The following CTNND1 variants were observed in gnomAD, a reference collection of about 807,000 sequenced individuals.
CTNND1 encodes the protein catenin delta 1.
A neutral mutation model predicts 112.1 loss-of-function variants in CTNND1; 16 were observed. The observed-to-expected ratio is 0.14, with a 90% CI of 0.10 to 0.22. CTNND1 has a LOEUF of 0.22. Ranked by LOEUF, CTNND1 falls within the 10% of genes least tolerant of loss-of-function variation. The pLI is 1.00. For synonymous variants in CTNND1, 420 were observed against 446.5 expected (o/e 0.94, Z 0.75); for missense variants, 1,008 against 1,257.0 (o/e 0.80, Z 3.00).
chr11:57,764,395 C>A (rs1375633584), intron 1 of CTNND1, among the ~76,000 whole-genome samples: 1 of 152,086 alleles, frequency 6.6e-6, no homozygotes, highest in Admixed American at 6.6e-5. Flanking sequence ...TAATTACAAT[C>A]CAGCCTTAGG....
intron 1 of CTNND1, among the ~76,000 whole-genome samples, chr11:57,778,253 T>A (rs1294104717): frequency 1.3e-5 from 2 of 152,102 alleles, no homozygotes; most frequent in Non-Finnish European, 2.9e-5. Flanking sequence ...TAATCAACTC[T>A]ATGCTTGTAG....
In CTNND1 at chr11:57,805,983, C is replaced by G; in HGVS notation, c.1824C>G (p.Ala608=). The G allele has an allele frequency of 6.2e-7, 1 of 1,612,582 alleles. No homozygotes were observed. Among genetic ancestry groups the G allele is most frequent in the Non-Finnish European group, 8.5e-7 (1 of 1,179,256 alleles). The stretch of plus-strand genomic sequence containing the variant: ...ACCAAGAGGCAGCTCCCAATGTTGC[C>G]AACAATACTGGGCCACATGCTGCCA... ...ERYQEAAPNV[A]NNTGPHAASC... The change falls in exon 10 of 21, where the codon GCC becomes GCG. Residue 608 remains alanine, a synonymous_variant. Coordinates refer to ENST00000399050, the MANE Select transcript of CTNND1 (RefSeq NM_001085458.2).
intron 1 of CTNND1, among the ~76,000 whole-genome samples, chr11:57,773,773 C>G (rs1306211728): frequency 6.6e-6 from 1 of 150,982 alleles, no homozygotes; most frequent in Non-Finnish European, 1.5e-5. Flanking sequence ...CTCATCTCTA[C>G]TAAAAAAAAA....
At chr11:57,798,087 G>T (rs1346643914) in intron 6 of CTNND1, among the ~76,000 whole-genome samples, 1 of 151,976 alleles carries the variant, frequency 6.6e-6, no homozygotes, top group Admixed American at 6.6e-5. Context: ...GGTGTCTCAC[G>T]CTTGTAATCC....
At chr11:57,768,635 C>T (rs566644076) in intron 1 of CTNND1, among the ~76,000 whole-genome samples, 8 of 151,992 alleles carry the variant, frequency 5.3e-5, no homozygotes, top group East Asian at 1.9e-4. Context: ...CCTCGTGATC[C>T]GCCCACCTCG....
At chr11:57,806,620 C>G in intron 11 of CTNND1, 142 bp downstream of exon 11, 1 of 755,378 alleles carries the variant, frequency 1.3e-6, no homozygotes, top group Non-Finnish European at 2.2e-6. Context: ...ACAAGTTTAG[C>G]TCTTTGGAGC....
chr11:57,807,605 C>CAA (rs71470294), intron 12 of CTNND1, among the ~76,000 whole-genome samples: 542 of 29,136 alleles, frequency 0.019, 40 homozygotes, highest in Non-Finnish European at 0.025. Context: ...AACTCCGTCT[C>CAA]AAAAAAAAAA....
chr11:57,812,238 G>C (rs559513104), intron 17 of CTNND1, among the ~76,000 whole-genome samples: 1 of 152,290 alleles, frequency 6.6e-6, no homozygotes, highest in East Asian at 1.9e-4. Flanking sequence ...AAAAACATCA[G>C]GCCAGGTGTG....
At chr11:57,798,722 A>G (rs150077576) in intron 6 of CTNND1, among the ~76,000 whole-genome samples, 102 of 152,318 alleles carry the variant, frequency 6.7e-4, no homozygotes, top group African/African-American at 2.3e-3. Flanking sequence ...CATTGAGAGA[A>G]TGCTTTAGAA....
Position 57,762,080 on chromosome 11 carries a change from C to T in CTNND1, c.-253C>T, listed in dbSNP as rs951251435. On this transcript the variant is annotated 5_prime_UTR_variant, in exon 1 of 21. It adds an upstream start codon to the 5' untranslated region. Transcript: ENST00000399050. ...CTTTTGAAGAAAATGTATGTACTGA[C>T]GGGAAAAGGAGGATAAGCAAGTCGA... is the stretch of plus-strand genomic sequence containing the variant. 2.2e-5 allele frequency: 22 copies of T among 985,180 alleles called. No homozygotes were observed. Among genetic ancestry groups the T allele is most frequent in the Admixed American group, 6.2e-5 (1 of 16,254 alleles). The allele number at this position is 985,180 out of a possible 1,614,324, so 61.0% of individuals were successfully genotyped here.
intron 9 of CTNND1, 46 bp from the exon 10 acceptor site, chr11:57,805,836 C>A: frequency 6.3e-7 from 1 of 1,587,618 alleles, no homozygotes. Context: ...GTGGAGAAAT[C>A]ACAATAGACA....
intron 1 of CTNND1, among the ~76,000 whole-genome samples, chr11:57,766,752 G>A (rs986435134): frequency 2.6e-5 from 4 of 152,176 alleles, no homozygotes; most frequent in Admixed American, 6.5e-5. Flanking sequence ...TGTATTTTTC[G>A]GAAGTAATTT....
chr11:57,767,113 A>C (rs1457553647), intron 1 of CTNND1, among the ~76,000 whole-genome samples: 2 of 152,046 alleles, frequency 1.3e-5, no homozygotes, highest in African/African-American at 2.4e-5. Flanking sequence ...CTGGGACTAC[A>C]GGTGCGCGCC....
At chr11:57,814,288 G>C in intron 17 of CTNND1, 23 bp from the exon 18 acceptor site, 2 of 1,587,840 alleles carry the variant, frequency 1.3e-6, no homozygotes, top group Non-Finnish European at 1.7e-6. Context: ...TTTTGACATG[G>C]ATAACTTTCT....
chr11:57,771,155 T>A (rs1952484180), intron 1 of CTNND1, among the ~76,000 whole-genome samples: 1 of 152,116 alleles, frequency 6.6e-6, no homozygotes, highest in African/African-American at 2.4e-5. Flanking sequence ...TTCTAAAATT[T>A]AACTTTTTGT....
rs10617530 is a variant in CTNND1 at position 57,768,386 on chromosome 11, CTTTTTTTTTTTT to C, written c.-214+6282_-214+6293del. Among the ~76,000 whole-genome samples, 19 of 40,330 alleles carry C rather than the reference CTTTTTTTTTTTT, an allele frequency of 4.7e-4. No individual in the cohort carries two copies. The East Asian group carries it at 8.8e-3, about 19-fold the overall frequency. The allele number at this position is 40,330 out of a possible 152,430, so 26.5% of individuals were successfully genotyped here. A position where few individuals can be genotyped will look rare whatever the true frequency, so the allele number is the denominator to read the frequency against. On this transcript the variant is annotated intron_variant, in intron 1 of 20. Transcript: ENST00000399050. ...ATTTGTATGATTTGTGGACATCATC[CTTTTTTTTTTTT>C]TTTTTTTTTTTTTTAGACAGAGTCT...
chr11:57,804,516 T>C (rs2062410076), intron 8 of CTNND1, 147 bp from the exon 9 acceptor site: 1 of 612,504 alleles, frequency 1.6e-6, no homozygotes, highest in Admixed American at 2.9e-5. Context: ...TAATCAACTT[T>C]CTCTCAACTG....
chr11:57,766,852 G>C (rs761708071), intron 1 of CTNND1, among the ~76,000 whole-genome samples: 1 of 152,098 alleles, frequency 6.6e-6, no homozygotes, highest in Non-Finnish European at 1.5e-5. Context: ...TTCAGGGATC[G>C]TGTTCCCTGT....
At chr11:57,794,458 G>T (rs1054562889) in intron 4 of CTNND1, among the ~76,000 whole-genome samples, 2 of 152,120 alleles carry the variant, frequency 1.3e-5, no homozygotes, top group African/African-American at 4.8e-5. Flanking sequence ...TCAAAAGATG[G>T]CTCTTACTGG....
Sources: allele counts gnomAD v4.1 joint callset (sites outside exome capture counted in the v4.1 genomes callset), GRCh38; gene constraint gnomAD v4.1.1; transcripts MANE v1.5; gene names NCBI Gene and HGNC (gene_info 2026-07-23, HGNC 2026-07-21).